PCBD2: variants seen among roughly 807,000 people sequenced by gnomAD.
PCBD2 encodes pterin-4-alpha-carbinolamine dehydratase 2.
In PCBD2, 12 loss-of-function variants were observed where a neutral mutation model predicts 16.4. The ratio of observed to expected loss-of-function variants is 0.73; its 90% CI spans 0.47 to 1.19. The LOEUF (loss-of-function observed/expected upper bound fraction) is 1.19. Ranked by LOEUF, PCBD2 falls within the 50% of genes most tolerant of loss-of-function variation. The probability of loss-of-function intolerance (pLI) is 0.00; values close to 1 mark genes in which losing one functional copy is unlikely to be tolerated. For missense variants in PCBD2, 138 were observed against 156.8 expected, an observed-to-expected ratio of 0.88 and a Z score of 0.64; for synonymous variants, 58 against 61.8, an observed-to-expected ratio of 0.94 and a Z score of 0.29.
intron 1 of PCBD2, among the ~76,000 whole-genome samples, chr5:134,905,902 TCGCTGTATCGCCGAGCCCGGAGTGGAGTG>T (rs1399646631): frequency 6.6e-6 from 1 of 152,222 alleles, no homozygotes; most frequent in Non-Finnish European, 1.5e-5. Context: ...ACACGGAGTC[TCGCTGTATCGCCGAGCCCGGAGTGGAGTG>T]GCGCGATCTC....
intron 2 of PCBD2, among the ~76,000 whole-genome samples, chr5:134,943,788 C>T (rs1419647048): frequency 6.6e-6 from 1 of 152,192 alleles, no homozygotes; most frequent in Non-Finnish European, 1.5e-5. Flanking sequence ...CTGTCTCATC[C>T]ACTTGTGTTT....
intron 2 of PCBD2, among the ~76,000 whole-genome samples, chr5:134,945,853 C>G (rs1315395995): frequency 1.3e-5 from 2 of 152,124 alleles, no homozygotes; most frequent in African/African-American, 4.8e-5. Flanking sequence ...AACAGAGCCT[C>G]AGATTTACAG....
chr5:134,907,657 CTG>C (rs1750713032), intron 1 of PCBD2, among the ~76,000 whole-genome samples: 1 of 151,858 alleles, frequency 6.6e-6, no homozygotes, highest in African/African-American at 2.4e-5. Flanking sequence ...GAGTTTCACT[CTG>C]TTGCCCAGGC....
intron 2 of PCBD2, among the ~76,000 whole-genome samples, chr5:134,949,265 G>A (rs1021854844): frequency 1.3e-4 from 20 of 152,058 alleles, no homozygotes; most frequent in Admixed American, 9.8e-4. Context: ...GCCTTGTAAA[G>A]GTGAATTTCT....
chr5:134,911,218 A>C (rs574030035), intron 2 of PCBD2, among the ~76,000 whole-genome samples: 3 of 152,144 alleles, frequency 2.0e-5, no homozygotes, highest in African/African-American at 4.8e-5. Flanking sequence ...TTAAATTTCT[A>C]TCTCTCAGTC....
intron 2 of PCBD2, among the ~76,000 whole-genome samples, chr5:134,916,177 A>G (rs1295660087): frequency 6.6e-6 from 1 of 152,100 alleles, no homozygotes; most frequent in Non-Finnish European, 1.5e-5. Context: ...TCTCAGTTAC[A>G]TGGGAGGGAG....
chr5:134,930,540 G>T (rs574702100), intron 2 of PCBD2, among the ~76,000 whole-genome samples: 8 of 152,286 alleles, frequency 5.3e-5, no homozygotes, highest in African/African-American at 1.9e-4. Flanking sequence ...ATTGCCACAG[G>T]GTGCTTCCCA....
At chr5:134,948,502 T>A (rs1428182305) in intron 2 of PCBD2, among the ~76,000 whole-genome samples, 1 of 152,190 alleles carries the variant, frequency 6.6e-6, no homozygotes, top group Non-Finnish European at 1.5e-5. Context: ...ATTAATATAC[T>A]CCTATCTAAG....
intron 2 of PCBD2, among the ~76,000 whole-genome samples, chr5:134,949,562 T>C (rs1751336840): frequency 6.6e-6 from 1 of 152,246 alleles, no homozygotes; most frequent in African/African-American, 2.4e-5. Flanking sequence ...GCTAAAAATA[T>C]GTCTGACAGT....
intron 2 of PCBD2, among the ~76,000 whole-genome samples, chr5:134,949,477 A>T (rs150514733): frequency 6.6e-6 from 1 of 152,348 alleles, no homozygotes; most frequent in African/African-American, 2.4e-5. Flanking sequence ...ACTCGTTTCA[A>T]AAGTTAAGTA....
At chr5:134,909,220 C>T (rs1253151383) in intron 1 of PCBD2, among the ~76,000 whole-genome samples, 1 of 152,242 alleles carries the variant, frequency 6.6e-6, no homozygotes, top group Non-Finnish European at 1.5e-5. Flanking sequence ...GTGCTTTGGA[C>T]TGGGCAGTAC....
chr5:134,941,072 G>A (rs1328310562), intron 2 of PCBD2, among the ~76,000 whole-genome samples: 1 of 141,980 alleles, frequency 7.0e-6, no homozygotes, highest in Non-Finnish European at 1.5e-5. Flanking sequence ...CCAAGATCAC[G>A]CCACTGCACT....
chr5:134,950,246 G>C (rs1364923821), intron 2 of PCBD2, among the ~76,000 whole-genome samples: 2 of 152,150 alleles, frequency 1.3e-5, no homozygotes. Context: ...AATTACTTTG[G>C]AGTAGCTGGT....
At chr5:134,960,430 T>C (rs987685474) in intron 3 of PCBD2, among the ~76,000 whole-genome samples, 156 bp from the exon 4 acceptor site, 2 of 152,306 alleles carry the variant, frequency 1.3e-5, no homozygotes, top group Non-Finnish European at 2.9e-5. Context: ...GTTTTGGAAA[T>C]GTTTTGCTTA....
At chr5:134,935,994 C>T (rs1275872669) in intron 2 of PCBD2, among the ~76,000 whole-genome samples, 1 of 151,936 alleles carries the variant, frequency 6.6e-6, no homozygotes, top group Non-Finnish European at 1.5e-5. Flanking sequence ...GAACGGCAGC[C>T]AAGAATTATT....
In PCBD2 at chr5:134,960,761, A is replaced by T. The variant is rs1277562598; in HGVS notation, c.*80A>T. On this transcript the variant is annotated 3_prime_UTR_variant, in exon 4 of 4. Coordinates refer to ENST00000254908, the MANE Select transcript of PCBD2 (RefSeq NM_032151.5). ...GAAGGAAATTTATGTGAACAAATAG[A>T]GTTGTTCTTTTTCTCTTTTTTTTAA... is the stretch of plus-strand genomic sequence containing the variant. The T allele has an allele frequency of 8.5e-7, 1 of 1,174,502 alleles. No homozygotes were observed. Among genetic ancestry groups the T allele is most frequent in the Non-Finnish European group, 1.2e-6 (1 of 802,592 alleles). The allele number at this position is 1,174,502 out of a possible 1,614,324, so 72.8% of individuals were successfully genotyped here. A position where few individuals can be genotyped will look rare whatever the true frequency, so the allele number is the denominator to read the frequency against.
chr5:134,954,875 G>A (rs1314230801), intron 2 of PCBD2, among the ~76,000 whole-genome samples: 2 of 151,860 alleles, frequency 1.3e-5, no homozygotes. Context: ...CTGAGTAGCT[G>A]GGAGTACAGG....
At chr5:134,941,875 T>C (rs1161724457) in intron 2 of PCBD2, among the ~76,000 whole-genome samples, 2 of 151,986 alleles carry the variant, frequency 1.3e-5, no homozygotes, top group South Asian at 4.1e-4. Context: ...TCCCAGCACT[T>C]TGGGAGGCCG....
intron 2 of PCBD2, among the ~76,000 whole-genome samples, chr5:134,942,863 C>G (rs1255950522): frequency 6.6e-6 from 1 of 152,164 alleles, no homozygotes; most frequent in Non-Finnish European, 1.5e-5. Context: ...GATTCCTGGT[C>G]TGATGCTCTT....
Sources: allele counts gnomAD v4.1 joint callset (sites outside exome capture counted in the v4.1 genomes callset), GRCh38; gene constraint gnomAD v4.1.1; transcripts MANE v1.5; gene names NCBI Gene and HGNC (gene_info 2026-07-23, HGNC 2026-07-21).